The following NXPE2 variants were observed in gnomAD, a reference collection of about 807,000 sequenced individuals.
The protein encoded by NXPE2 is NXPE family member 2.
NXPE2 carries 34 observed loss-of-function variants against 34.4 expected under a neutral mutation model. The observed-to-expected ratio is 0.99, with a 90% CI of 0.75 to 1.31. The LOEUF (loss-of-function observed/expected upper bound fraction) is 1.31. Among genes scored for constraint, NXPE2 ranks in the 40% most tolerant of loss-of-function variants. The pLI, the probability that NXPE2 is intolerant of heterozygous loss-of-function variation, is 0.00. For missense variants in NXPE2, 649 were observed against 672.5 expected, an observed-to-expected ratio of 0.97 and a Z score of 0.39; for synonymous variants, 235 against 231.3, an observed-to-expected ratio of 1.02 and a Z score of -0.15.
At chr11:114,682,811 T>G (rs939265131) in intron 2 of NXPE2, among the ~76,000 whole-genome samples, 2 of 151,366 alleles carry the variant, frequency 1.3e-5, no homozygotes, top group African/African-American at 4.9e-5. Flanking sequence ...AAGAAAACAT[T>G]GCTAGCATAA....
chr11:114,717,655 T>A, the NXPE2 span, among the ~76,000 whole-genome samples: 1 of 152,194 alleles, frequency 6.6e-6, no homozygotes, highest in African/African-American at 2.4e-5. Context: ...GTAGAAGAGT[T>A]TGGGAATAGT....
chr11:114,635,633 T>C, the NXPE2 span, among the ~76,000 whole-genome samples: 18 of 151,990 alleles, frequency 1.2e-4, no homozygotes, highest in African/African-American at 3.9e-4. Flanking sequence ...TTTTGAGATA[T>C]GTCCCATCAA....
At chr11:114,783,677 T>C in the NXPE2 span, among the ~76,000 whole-genome samples, 1 of 152,236 alleles carries the variant, frequency 6.6e-6, no homozygotes, top group Non-Finnish European at 1.5e-5. Flanking sequence ...TCTGTGTGTA[T>C]AGAGGAGATG....
the NXPE2 span, among the ~76,000 whole-genome samples, chr11:114,785,212 A>G: frequency 6.6e-6 from 1 of 152,122 alleles, no homozygotes; most frequent in Non-Finnish European, 1.5e-5. Flanking sequence ...ATTACACTCA[A>G]TGCTGAACTT....
At chr11:114,597,076 C>G in the NXPE2 span, among the ~76,000 whole-genome samples, 1 of 150,510 alleles carries the variant, frequency 6.6e-6, no homozygotes, top group African/African-American at 2.5e-5. Context: ...ATCTTGAAGT[C>G]TTTATACCAT....
the NXPE2 span, among the ~76,000 whole-genome samples, chr11:114,532,788 A>G: frequency 1.3e-5 from 2 of 152,140 alleles, no homozygotes; most frequent in East Asian, 3.8e-4. Context: ...GTGTGTGTGC[A>G]TTTGTCATGG....
At chr11:114,587,887 G>T in the NXPE2 span, among the ~76,000 whole-genome samples, 30 of 152,094 alleles carry the variant, frequency 2.0e-4, no homozygotes, top group African/African-American at 6.8e-4. Context: ...TAAGGGTGTG[G>T]CCTTCTTACC....
the NXPE2 span, among the ~76,000 whole-genome samples, chr11:114,480,313 C>G: frequency 2.6e-5 from 4 of 152,310 alleles, no homozygotes; most frequent in African/African-American, 9.6e-5. Flanking sequence ...GGAAGGAAAA[C>G]TATAATCCCT....
At chr11:114,598,919 G>C in the NXPE2 span, among the ~76,000 whole-genome samples, 2 of 152,118 alleles carry the variant, frequency 1.3e-5, no homozygotes, top group South Asian at 2.1e-4. Context: ...TTTGCATTTG[G>C]CTCCTTTTTA....
Position 114,706,645 on chromosome 11 carries a change from G to A in NXPE2, c.1395G>A (p.Arg465=), listed in dbSNP as rs747484480. The A allele has an allele frequency of 2.6e-6, 4 of 1,551,696 alleles. No individual in the cohort carries two copies. The African/African-American group carries it at 4.1e-5, about 16-fold the overall frequency. ...TTCCCATCAACATTTTCATCCGTAG[G>A]GCCATCAATATTCAAAAGGCCATTG... ...RPFPINIFIR[R]AINIQKAIER... is the part of the protein sequence containing the mutation. The change falls in exon 6 of 6, where the codon AGG becomes AGA. Residue 465 remains arginine (R), a synonymous_variant. Coordinates refer to ENST00000389586, the MANE Select transcript of NXPE2 (RefSeq NM_182495.6).
At chr11:114,466,413 T>C in the NXPE2 span, among the ~76,000 whole-genome samples, 2 of 152,210 alleles carry the variant, frequency 1.3e-5, no homozygotes, top group Non-Finnish European at 2.9e-5. Context: ...TAATTTATGC[T>C]ACCACCAGCA....
At chr11:114,745,111 ATTGT>A in the NXPE2 span, among the ~76,000 whole-genome samples, 5 of 152,176 alleles carry the variant, frequency 3.3e-5, no homozygotes, top group African/African-American at 1.2e-4. Context: ...TATTTGTAAA[ATTGT>A]TTGATGTATA....
At chr11:114,543,483 T>C in the NXPE2 span, among the ~76,000 whole-genome samples, 1 of 151,410 alleles carries the variant, frequency 6.6e-6, no homozygotes, top group Non-Finnish European at 1.5e-5. Context: ...TTTGTGCCAC[T>C]GCACTCCAGC....
chr11:114,605,183 C>T, the NXPE2 span, among the ~76,000 whole-genome samples: 1 of 151,786 alleles, frequency 6.6e-6, no homozygotes. Flanking sequence ...TTGTGAGAAA[C>T]CACTCTTACC....
At chr11:114,790,397 T>G in the NXPE2 span, among the ~76,000 whole-genome samples, 1 of 152,318 alleles carries the variant, frequency 6.6e-6, no homozygotes, top group South Asian at 2.1e-4. Context: ...ATCATTTACT[T>G]AGCACTCTAA....
the NXPE2 span, among the ~76,000 whole-genome samples, chr11:114,655,503 A>G: frequency 1.3e-4 from 20 of 152,264 alleles, no homozygotes; most frequent in Admixed American, 9.8e-4. Flanking sequence ...ATTTTTGTAT[A>G]AGGTGTAAGG....
chr11:114,675,214 T>A (rs1950844323), upstream of NXPE2, among the ~76,000 whole-genome samples: 1 of 151,838 alleles, frequency 6.6e-6, no homozygotes, highest in South Asian at 2.1e-4. Context: ...TCATACTCAA[T>A]GGTGAAAATC....
the NXPE2 span, among the ~76,000 whole-genome samples, chr11:114,595,345 A>G: frequency 0.053 from 8,014 of 152,054 alleles, 718 homozygotes; most frequent in African/African-American, 0.18. Flanking sequence ...TTTTTCCATG[A>G]TTCATCTTAA....
chr11:114,507,702 A>G, the NXPE2 span, among the ~76,000 whole-genome samples: 3 of 152,160 alleles, frequency 2.0e-5, no homozygotes, highest in Admixed American at 1.3e-4. Flanking sequence ...ACATCCATTC[A>G]TGTTAAAAAC....
Sources: gnomAD v4.1 joint callset for allele counts (sites outside exome capture counted in the v4.1 genomes callset) on GRCh38, gnomAD v4.1.1 for gene constraint, MANE v1.5 for transcripts, NCBI Gene and HGNC (gene_info 2026-07-23, HGNC 2026-07-21) for gene names.